Variants in SULF2 observed in about 807,000 individuals in gnomAD.
SULF2 encodes the protein extracellular sulfatase Sulf-2.
Under a neutral mutation model 107.7 loss-of-function variants are expected in SULF2, and 52 were observed. The ratio of observed to expected loss-of-function variants is 0.48; its 90% CI spans 0.39 to 0.61. SULF2 has a LOEUF of 0.61. Ranked by LOEUF, SULF2 falls within the 20% of genes least tolerant of loss-of-function variation. The probability of loss-of-function intolerance (pLI) is 0.00; values close to 1 mark genes in which losing one functional copy is unlikely to be tolerated. For synonymous variants in SULF2, 460 were observed against 464.3 expected (o/e 0.99, Z 0.12); for missense variants, 993 against 1,177.3 (o/e 0.84, Z 2.29).
rs11484375 is a variant in SULF2 at position 47,737,755 on chromosome 20, GTTTTTTTTTTTT to G, written c.176-825_176-814del. On this transcript the variant is annotated intron_variant, in intron 2 of 20. Transcript: ENST00000688720. ...CTGCTCTTGTTTCTTTCTTTTCTTT[GTTTTTTTTTTTT>G]TTTTTTTTTTTTTGAGACAGAGTCT... Among the ~76,000 whole-genome samples the G allele has an allele frequency of 1.8e-4, 11 of 61,834 alleles. 1 individual carries two copies. The highest frequency in any genetic ancestry group is 4.7e-4 in the Admixed American group (2 of 4,272). The allele number at this position is 61,834 out of a possible 152,430, so 40.6% of individuals were successfully genotyped here. A position where few individuals can be genotyped will look rare whatever the true frequency, so the allele number is the denominator to read the frequency against.
At chr20:47,707,315 T>G (rs1600532910) in intron 3 of SULF2, among the ~76,000 whole-genome samples, 1 of 152,234 alleles carries the variant, frequency 6.6e-6, no homozygotes, top group South Asian at 2.1e-4. Flanking sequence ...TTCTTCTTTT[T>G]TCTCCATTTT....
intron 8 of SULF2, 113 bp from the exon 9 acceptor site, chr20:47,677,247 G>T: frequency 8.5e-7 from 1 of 1,181,340 alleles, no homozygotes; most frequent in Non-Finnish European, 1.2e-6. Flanking sequence ...CGGTCAGCCT[G>T]GACAGCAATT....
At chr20:47,732,525 G>T (rs1259767035) in intron 3 of SULF2, among the ~76,000 whole-genome samples, 1 of 152,188 alleles carries the variant, frequency 6.6e-6, no homozygotes, top group Non-Finnish European at 1.5e-5. Context: ...TGTGTTAAAG[G>T]ATGACTATAA....
intron 17 of SULF2, 129 bp downstream of exon 17, chr20:47,662,941 A>T: frequency 1.9e-6 from 2 of 1,031,796 alleles, no homozygotes; most frequent in Non-Finnish European, 2.8e-6. Flanking sequence ...TTCACAACTT[A>T]CTCCCACCGG....
intron 14 of SULF2, among the ~76,000 whole-genome samples, chr20:47,664,607 G>A (rs1028602833): frequency 6.6e-6 from 1 of 152,196 alleles, no homozygotes; most frequent in Non-Finnish European, 1.5e-5. Flanking sequence ...TCAACACAGG[G>A]AAGCCTGTGT....
intron 14 of SULF2, 115 bp downstream of exon 14, chr20:47,665,084 G>A (rs2087215940): frequency 1.3e-6 from 1 of 763,688 alleles, no homozygotes; most frequent in African/African-American, 1.7e-5. Flanking sequence ...ATGCCATGAG[G>A]GGAGAAGATA....
At chr20:47,658,541 A>C in intron 20 of SULF2, 149 bp from the exon 21 acceptor site, 1 of 829,576 alleles carries the variant, frequency 1.2e-6, no homozygotes, top group Non-Finnish European at 2.0e-6. Context: ...GCCACCACCT[A>C]GTCACCTCAA....
chr20:47,688,793 C>T (rs1216861440), intron 5 of SULF2, among the ~76,000 whole-genome samples: 15 of 151,886 alleles, frequency 9.9e-5, no homozygotes, highest in Admixed American at 3.3e-4. Flanking sequence ...ACAGTGCCTT[C>T]GGTACCCTCT....
intron 4 of SULF2, among the ~76,000 whole-genome samples, chr20:47,692,060 C>A (rs1334774000): frequency 6.6e-6 from 1 of 152,136 alleles, no homozygotes; most frequent in African/African-American, 2.4e-5. Flanking sequence ...GCCACAGCAC[C>A]CATACAACTC....
At chr20:47,752,734 G>A (rs1309442920) in intron 2 of SULF2, among the ~76,000 whole-genome samples, 1 of 152,108 alleles carries the variant, frequency 6.6e-6, no homozygotes, top group African/African-American at 2.4e-5. Context: ...CTGGGTGACA[G>A]AGCGAGACCC....
At position 47,680,203 on chromosome 20, in the gene SULF2, C is replaced by G. The variant is rs1313473004; in HGVS notation, c.1065-1399G>C. Among the ~76,000 whole-genome samples the G allele has an allele frequency of 6.6e-6, 1 of 152,200 alleles. No individual in the cohort carries two copies. Among genetic ancestry groups the G allele is most frequent in the Non-Finnish European group, 1.5e-5 (1 of 68,034 alleles). ...CACTGCAACCTCCACCTCCTGGGTT[C>G]AAGCGATTCTCATGCCTCAGCCTCC... On this transcript the variant is annotated intron_variant, in intron 7 of 20. Coordinates refer to ENST00000688720, the MANE Select transcript of SULF2 (RefSeq NM_001387048.1). The surrounding 1 kb of genome is among the most constrained non-coding windows in gnomAD (Gnocchi z 4.2).
At chr20:47,746,320 A>G (rs1318943893) in intron 2 of SULF2, among the ~76,000 whole-genome samples, 2 of 152,170 alleles carry the variant, frequency 1.3e-5, no homozygotes, top group African/African-American at 4.8e-5. Context: ...CAGAGTCTTG[A>G]CCTGGACAGG....
At chr20:47,782,532 ACACAGAG>A (rs1365353021) in intron 1 of SULF2, among the ~76,000 whole-genome samples, 1 of 152,102 alleles carries the variant, frequency 6.6e-6, no homozygotes, top group Admixed American at 6.5e-5. Context: ...CCCAGGCCTG[ACACAGAG>A]CACCCTGGCA....
At chr20:47,776,321 G>T (rs2090724214) in intron 1 of SULF2, among the ~76,000 whole-genome samples, 1 of 152,194 alleles carries the variant, frequency 6.6e-6, no homozygotes, top group African/African-American at 2.4e-5. Context: ...TGGTTAGGTG[G>T]CCTGTGATGT....
intron 5 of SULF2, 106 bp from the exon 6 acceptor site, chr20:47,684,687 C>A: frequency 1.7e-6 from 2 of 1,157,556 alleles, no homozygotes; most frequent in East Asian, 5.2e-5. Context: ...GCTGTGTCTG[C>A]AGCCCAGGGC....
chr20:47,663,717 G>A (rs2087167797), intron 15 of SULF2, 95 bp from the exon 16 acceptor site: 1 of 1,390,576 alleles, frequency 7.2e-7, no homozygotes, highest in African/African-American at 1.4e-5. Context: ...CTTCGCTGAG[G>A]CTTCTCCAAC....
At chr20:47,761,452 A>G (rs1183285471) in intron 1 of SULF2, among the ~76,000 whole-genome samples, 1 of 152,248 alleles carries the variant, frequency 6.6e-6, no homozygotes, top group Non-Finnish European at 1.5e-5. Flanking sequence ...TTAAAATAAA[A>G]ACACAAACAC....
intron 2 of SULF2, among the ~76,000 whole-genome samples, chr20:47,746,982 TAA>T (rs61191776): frequency 0.035 from 4,228 of 121,098 alleles, 71 homozygotes; most frequent in Non-Finnish European, 0.041. Context: ...CTTAAATAAA[TAA>T]AAAAAAAAAA....
At chr20:47,727,891 T>C (rs1022606560) in intron 3 of SULF2, among the ~76,000 whole-genome samples, 1 of 152,298 alleles carries the variant, frequency 6.6e-6, no homozygotes. Context: ...TCTGAGGTCT[T>C]AGAGAAAGGA....
Sources: allele counts gnomAD v4.1 joint callset (sites outside exome capture counted in the v4.1 genomes callset), GRCh38; gene constraint gnomAD v4.1.1; non-coding constraint Gnocchi (gnomAD v3.1); transcripts MANE v1.5; gene names NCBI Gene and HGNC (gene_info 2026-07-23, HGNC 2026-07-21).